CRHBP: variants seen among roughly 807,000 people sequenced by gnomAD.
The protein encoded by CRHBP is corticotropin releasing hormone binding protein.
In CRHBP, 19 loss-of-function variants were observed where a neutral mutation model predicts 34.9. The ratio of observed to expected loss-of-function variants is 0.55; its 90% CI spans 0.38 to 0.80. The LOEUF (loss-of-function observed/expected upper bound fraction) is 0.80. Ranked by LOEUF, CRHBP falls within the 30% of genes least tolerant of loss-of-function variation. CRHBP has a pLI of 0.00. For synonymous variants in CRHBP, 154 were observed against 153.4 expected, an observed-to-expected ratio of 1.00 and a Z score of -0.03; for missense variants, 328 against 409.2, an observed-to-expected ratio of 0.80 and a Z score of 1.71.
At position 76,954,791 on chromosome 5, in the gene CRHBP, C is replaced by T. The variant is rs115861504; in HGVS notation, c.333+605C>T. 3.4e-3 allele frequency among the ~76,000 whole-genome samples: 520 copies of T among 152,300 alleles called. 3 individuals carry two copies. The highest frequency in any genetic ancestry group is 0.012 in the African/African-American group (486 of 41,572). ...AGGACAAGACCCCTAAGCTCACTGC[C>T]TCCTCGATTCCAGTCGTCAGACTCC... On this transcript the variant is annotated intron_variant, in intron 3 of 6. Transcript: ENST00000274368.
exon 4 of CRHBP, chr5:76,981,046 T>C (rs1006442131): frequency 3.9e-5 from 6 of 152,332 alleles, no homozygotes; most frequent in Admixed American, 3.9e-4. Flanking sequence ...ATAGACTCAT[T>C]AGCACCTCCT....
intron 3 of CRHBP, among the ~76,000 whole-genome samples, chr5:76,977,400 CAT>C (rs762750335): frequency 3.3e-5 from 5 of 152,188 alleles, no homozygotes; most frequent in African/African-American, 7.2e-5. Context: ...TTTCCAACAA[CAT>C]GTGTTCACTT....
chr5:76,953,274 GGCAGGCTGCC>G, intron 1 of CRHBP, 59 bp downstream of exon 1: 2 of 1,519,724 alleles, frequency 1.3e-6, no homozygotes, highest in Non-Finnish European at 1.8e-6. Context: ...CTAGGCGGCA[GGCAGGCTGCC>G]TCTGCTCGCA....
chr5:76,966,994 A>G (rs1031432599), intron 6 of CRHBP, among the ~76,000 whole-genome samples: 1 of 152,176 alleles, frequency 6.6e-6, no homozygotes, highest in Admixed American at 6.6e-5. Context: ...TGTAATCCCA[A>G]CACTTTGGGA....
intron 5 of CRHBP, among the ~76,000 whole-genome samples, chr5:76,962,122 C>G (rs370343783): frequency 1.3e-5 from 2 of 151,900 alleles, no homozygotes; most frequent in Admixed American, 6.6e-5. Flanking sequence ...ATTAAGTTCT[C>G]TATTTTAGAT....
At chr5:76,953,987 G>C in intron 2 of CRHBP, 42 bp from the exon 3 acceptor site, 6 of 1,569,374 alleles carry the variant, frequency 3.8e-6, no homozygotes, top group African/African-American at 1.4e-5. Flanking sequence ...CGCTGCGGCG[G>C]CTGCAGCCCG....
downstream of CRHBP, chr5:76,969,540 A>C (rs999126342): frequency 6.6e-6 from 1 of 152,492 alleles, no homozygotes; most frequent in African/African-American, 2.4e-5. Context: ...TAATGTTATC[A>C]TGTGGTGCAG....
intron 2 of CRHBP, among the ~76,000 whole-genome samples, chr5:76,974,832 CGA>C (rs1746001029): frequency 6.6e-6 from 1 of 151,930 alleles, no homozygotes; most frequent in Admixed American, 6.6e-5. Flanking sequence ...AACAGAGATA[CGA>C]GAGAGGAAAT....
At chr5:76,973,995 T>G (rs1290386454), downstream of CRHBP, among the ~76,000 whole-genome samples, 3 of 149,466 alleles carry the variant, frequency 2.0e-5, no homozygotes, top group African/African-American at 7.4e-5. Context: ...ATTATTATTA[T>G]TATTATTATT....
chr5:76,961,381 G>A (rs945068173), intron 5 of CRHBP, among the ~76,000 whole-genome samples: 26 of 152,136 alleles, frequency 1.7e-4, no homozygotes, highest in African/African-American at 6.0e-4. Context: ...AACAGCACCT[G>A]CTGAATTTTG....
chr5:76,969,965 T>A (rs1745922654), downstream of CRHBP, among the ~76,000 whole-genome samples: 1 of 110,382 alleles, frequency 9.1e-6, no homozygotes, highest in South Asian at 3.1e-4. Context: ...TTTTTTTTTT[T>A]TGAGACAGTC....
At chr5:76,966,972 G>A (rs1415377313) in intron 6 of CRHBP, among the ~76,000 whole-genome samples, 1 of 152,222 alleles carries the variant, frequency 6.6e-6, no homozygotes, top group African/African-American at 2.4e-5. Context: ...GCTGGGTGTG[G>A]TGGTTCATGC....
chr5:76,963,486 T>C (rs1745812798), intron 6 of CRHBP, 26 bp downstream of exon 6: 1 of 1,558,102 alleles, frequency 6.4e-7, no homozygotes. Context: ...GATTGTTATG[T>C]ATGTGCCTAT....
rs1040003046 is a variant in CRHBP, at chr5:76,953,099, G to A, written c.-36G>A. On this transcript the variant is annotated 5_prime_UTR_variant, in exon 1 of 7. Coordinates refer to ENST00000274368, the MANE Select transcript of CRHBP (RefSeq NM_001882.4). ...GTAGGAAGGAAAGCCCAGGACCTCC[G>A]GAGCAGAGCACAGCAGCTGCAGAGG... 9.3e-6 allele frequency: 15 copies of A among 1,604,846 alleles called. No homozygotes were observed. The highest frequency in any genetic ancestry group is 3.3e-4 in the Middle Eastern group (2 of 6,066).
At chr5:76,978,596 C>G (rs185033184) in intron 3 of CRHBP, among the ~76,000 whole-genome samples, 217 of 152,306 alleles carry the variant, frequency 1.4e-3, no homozygotes, top group African/African-American at 5.0e-3. Context: ...CATCCAAGAG[C>G]TCTGAGGGAA....
chr5:76,963,812 TATC>T (rs943140998), intron 6 of CRHBP, among the ~76,000 whole-genome samples: 1 of 152,228 alleles, frequency 6.6e-6, no homozygotes, highest in Non-Finnish European at 1.5e-5. Flanking sequence ...ATAGTAGATG[TATC>T]ATCAATTAGT....
chr5:76,975,542 C>T (rs1359428912), intron 2 of CRHBP, among the ~76,000 whole-genome samples: 3 of 151,774 alleles, frequency 2.0e-5, no homozygotes, highest in Admixed American at 6.6e-5. Flanking sequence ...GTGGCTCATA[C>T]CTGTAATCCC....
intron 6 of CRHBP, among the ~76,000 whole-genome samples, chr5:76,964,211 C>G (rs1745824419): frequency 6.6e-6 from 1 of 152,102 alleles, no homozygotes; most frequent in Admixed American, 6.5e-5. Flanking sequence ...ATAAAACATT[C>G]CTGTAAAGGT....
chr5:76,968,740 T>C lies in CRHBP; in HGVS notation c.824T>C (p.Val275Ala), dbSNP rs2150709715. ...CCATCCATTATAGCCCAGATGAAAG[T>C]TGGCTGTGACAACACTGTGGTGCGC... is the stretch of plus-strand genomic sequence containing the variant. ...YPFHGPAQMK[V>A]GCDNTVVRMV... The change falls in exon 7 of 7, where the codon GTT (valine) becomes GCT (alanine). Residue 275 changes from valine to alanine, a missense_variant. By Grantham distance (64) the Val-to-Ala change is moderately conservative (BLOSUM62 0). This residue lies in a region of CRHBP where 144 missense variants were observed against 216.7 expected (regional missense o/e 0.66). Coordinates refer to ENST00000274368, the MANE Select transcript of CRHBP (RefSeq NM_001882.4). 6.2e-7 allele frequency: 1 copy of C among 1,611,776 alleles called. No individual in the cohort carries two copies. Among genetic ancestry groups the C allele is most frequent in the South Asian group, 1.1e-5 (1 of 90,732 alleles).
Sources: allele counts gnomAD v4.1 joint callset (sites outside exome capture counted in the v4.1 genomes callset), GRCh38; gene constraint gnomAD v4.1.1; regional missense constraint gnomAD v4.1.1; transcripts MANE v1.5; gene names NCBI Gene and HGNC (gene_info 2026-07-23, HGNC 2026-07-21).